Variants in FAM177A1 observed in about 807,000 individuals in gnomAD.
FAM177A1 encodes the protein protein FAM177A1.
In FAM177A1, 22 loss-of-function variants were observed where a neutral mutation model predicts 26.1. The observed-to-expected ratio is 0.84, with a 90% CI of 0.60 to 1.20. The LOEUF (loss-of-function observed/expected upper bound fraction) is 1.20, where lower values mean the gene tolerates loss of function less well. Ranked by LOEUF, FAM177A1 falls within the 50% of genes most tolerant of loss-of-function variation. The pLI is 0.00. For synonymous variants in FAM177A1, 95 were observed against 99.3 expected, an observed-to-expected ratio of 0.96 and a Z score of 0.26; for missense variants, 296 against 291.1, an observed-to-expected ratio of 1.02 and a Z score of -0.12.
At chr14:35,066,033 A>G (rs1474748470) in intron 2 of FAM177A1, among the ~76,000 whole-genome samples, 1 of 151,966 alleles carries the variant, frequency 6.6e-6, no homozygotes, top group African/African-American at 2.4e-5. Context: ...ATTGTCTGAT[A>G]ATATGAAAAT....
intron 2 of FAM177A1, among the ~76,000 whole-genome samples, chr14:35,056,960 A>G (rs1185176609): frequency 2.0e-5 from 3 of 152,136 alleles, no homozygotes; most frequent in East Asian, 1.9e-4. Flanking sequence ...TTTTTGGTCA[A>G]TCTAGCTAAA....
chr14:35,068,603 A>G (rs1350426502), intron 2 of FAM177A1, among the ~76,000 whole-genome samples: 1 of 152,240 alleles, frequency 6.6e-6, no homozygotes, highest in East Asian at 1.9e-4. Flanking sequence ...TTTTCTACTA[A>G]GGCCACAGCT....
intron 2 of FAM177A1, among the ~76,000 whole-genome samples, chr14:35,068,996 C>A (rs1401089069): frequency 6.6e-6 from 1 of 152,168 alleles, no homozygotes. Flanking sequence ...CTCGTTCAGT[C>A]CCAGCTCCCA....
upstream of FAM177A1, chr14:35,046,223 ACCCGCCCCGC>A (rs896418234): frequency 1.4e-4 from 45 of 328,072 alleles, no homozygotes; most frequent in African/African-American, 1.9e-4. Flanking sequence ...CCCCGCAAGG[ACCCGCCCCGC>A]CCCGCCCCGC....
chr14:35,053,248 A>G (rs1201688479), intron 1 of FAM177A1, 30 bp from the exon 2 acceptor site: 4 of 1,576,358 alleles, frequency 2.5e-6, no homozygotes, highest in South Asian at 1.2e-5. Flanking sequence ...CTCACTTGAA[A>G]CTCATTTTCT....
At chr14:35,070,246 G>A (rs573558994) in intron 2 of FAM177A1, among the ~76,000 whole-genome samples, 2 of 149,324 alleles carry the variant, frequency 1.3e-5, no homozygotes, top group Non-Finnish European at 1.5e-5. Flanking sequence ...GGATGATCTC[G>A]ATCTCCTGAC....
At chr14:35,065,625 C>T (rs1339907149) in intron 2 of FAM177A1, among the ~76,000 whole-genome samples, 1 of 151,868 alleles carries the variant, frequency 6.6e-6, no homozygotes, top group Non-Finnish European at 1.5e-5. Flanking sequence ...CTTCAACTTC[C>T]ACCAGCAATA....
At chr14:35,069,494 AG>A (rs1387860348) in intron 2 of FAM177A1, among the ~76,000 whole-genome samples, 1 of 152,082 alleles carries the variant, frequency 6.6e-6, no homozygotes, top group African/African-American at 2.4e-5. Context: ...CATGTTGGTC[AG>A]GCTGGTCTCG....
chr14:35,068,857 A>G (rs1309368261), intron 2 of FAM177A1, among the ~76,000 whole-genome samples: 1 of 152,244 alleles, frequency 6.6e-6, no homozygotes, highest in Non-Finnish European at 1.5e-5. Context: ...TGAATGTAGC[A>G]GAAGGCAAGA....
chr14:35,059,769 G>A (rs1437872039), intron 2 of FAM177A1, among the ~76,000 whole-genome samples: 3 of 151,764 alleles, frequency 2.0e-5, no homozygotes, highest in African/African-American at 7.3e-5. Flanking sequence ...GGTTGGTCTC[G>A]AACTCTTGAC....
chr14:35,047,351 G>A (rs930138173), intron 1 of FAM177A1, among the ~76,000 whole-genome samples: 22 of 152,134 alleles, frequency 1.4e-4, no homozygotes, highest in Admixed American at 1.0e-3. Flanking sequence ...TTTAAATCCT[G>A]GGTGCATTTT....
chr14:35,076,478 A>T (rs185406978), intron 2 of FAM177A1, among the ~76,000 whole-genome samples: 3 of 152,168 alleles, frequency 2.0e-5, no homozygotes, highest in Admixed American at 2.0e-4. Context: ...GCATTAGGAG[A>T]TATACCTAAT....
chr14:35,070,350 G>A (rs905794271), intron 2 of FAM177A1, among the ~76,000 whole-genome samples: 3 of 147,050 alleles, frequency 2.0e-5, no homozygotes, highest in Non-Finnish European at 3.0e-5. Context: ...TTTTCTTTGC[G>A]TCGGAGTCTC....
chr14:35,069,684 T>G (rs2045289208), intron 2 of FAM177A1, among the ~76,000 whole-genome samples: 2 of 152,142 alleles, frequency 1.3e-5, no homozygotes, highest in Admixed American at 1.3e-4. Context: ...ATCATAAATA[T>G]GATAAGACAA....
At chr14:35,048,744 G>A (rs1405096547) in intron 1 of FAM177A1, among the ~76,000 whole-genome samples, 1 of 152,022 alleles carries the variant, frequency 6.6e-6, no homozygotes, top group Non-Finnish European at 1.5e-5. Context: ...CATCTCAGGA[G>A]ATGGAGAGGC....
At position 35,083,022 on chromosome 14, in the gene FAM177A1, G is replaced by A. The variant is rs2045510346; in HGVS notation, c.*1794G>A. ...ATTATATAATGTCCCATGAATTATA[G>A]TTTACCAATAGTTCTAAAACATGCT... On this transcript the variant is annotated 3_prime_UTR_variant, in exon 5 of 5. Coordinates refer to ENST00000280987, the MANE Select transcript of FAM177A1 (RefSeq NM_173607.5). The A allele has an allele frequency of 1.3e-5, 2 of 152,134 alleles. No homozygotes were observed. The highest frequency in any genetic ancestry group is 2.9e-5 in the Non-Finnish European group (2 of 68,016). The allele number at this position is 152,134 out of a possible 1,614,324, so 9.4% of individuals were successfully genotyped here.
chr14:35,046,420 C>T lies in FAM177A1; in HGVS notation c.-44C>T. ...GGCGCTGGGCGGGTGAGTCCCACTT[C>T]CCGACAGCCTGGCTCGGCCAGCGAC... On this transcript the variant is annotated 5_prime_UTR_variant, in exon 1 of 5. Transcript: ENST00000280987. The T allele has an allele frequency of 6.7e-7, 1 of 1,485,518 alleles. No individual in the cohort carries two copies. The highest frequency in any genetic ancestry group is 9.0e-7 in the Non-Finnish European group (1 of 1,112,244). 92.0% of individuals were successfully genotyped at this position (1,485,518 alleles called of 1,614,324 possible).
chr14:35,067,487 CA>C (rs1470118363), intron 2 of FAM177A1, among the ~76,000 whole-genome samples: 1 of 152,134 alleles, frequency 6.6e-6, no homozygotes, highest in Non-Finnish European at 1.5e-5. Flanking sequence ...ATGTAATAAA[CA>C]TGGGAGTGCA....
intron 2 of FAM177A1, 72 bp from the exon 3 acceptor site, chr14:35,077,078 C>A (rs2045407221): frequency 8.4e-7 from 1 of 1,184,414 alleles, no homozygotes; most frequent in Middle Eastern, 1.9e-4. Context: ...AAGTATTTGA[C>A]TACTTCATTC....
Sources: allele counts gnomAD v4.1 joint callset (sites outside exome capture counted in the v4.1 genomes callset), GRCh38; gene constraint gnomAD v4.1.1; transcripts MANE v1.5; gene names NCBI Gene and HGNC (gene_info 2026-07-23, HGNC 2026-07-21).